The following HERC6 variants were observed in gnomAD, a reference collection of about 807,000 sequenced individuals.
HERC6 encodes HECT and RLD domain containing E3 ubiquitin protein ligase family member 6, also known as probable E3 ubiquitin-protein ligase HERC6.
A neutral mutation model predicts 114.5 loss-of-function variants in HERC6; 101 were observed. The observed-to-expected ratio is 0.88, with a 90% confidence interval of 0.75 to 1.04. The LOEUF is 1.04. Among genes scored for constraint, HERC6 ranks in the 50% least tolerant of loss-of-function variants. The pLI is 0.00. For missense variants in HERC6, 1,133 were observed against 1,230.9 expected, an observed-to-expected ratio of 0.92 and a Z score of 1.19; for synonymous variants, 408 against 436.2, an observed-to-expected ratio of 0.94 and a Z score of 0.81.
At chr4:88,381,874 A>G (rs1465799690) in intron 1 of HERC6, among the ~76,000 whole-genome samples, 6 of 152,068 alleles carry the variant, frequency 3.9e-5, no homozygotes, top group African/African-American at 1.4e-4. Context: ...TCTTGGTGCC[A>G]GAGATGGGAG....
intron 15 of HERC6, 60 bp downstream of exon 15, chr4:88,424,762 G>A: frequency 1.1e-6 from 1 of 949,780 alleles, no homozygotes; most frequent in Non-Finnish European, 1.6e-6. Context: ...TAGAGATAGT[G>A]GTATAATGAA....
intron 1 of HERC6, 111 bp downstream of exon 1, chr4:88,379,231 G>C (rs1734033673): frequency 1.1e-6 from 1 of 878,558 alleles, no homozygotes; most frequent in Non-Finnish European, 1.7e-6. Flanking sequence ...CGGGTGAGGG[G>C]CGCGGGGGCC....
At position 88,417,540 on chromosome 4, in the gene HERC6, T is replaced by A. The variant is rs1736605718; in HGVS notation, c.1674T>A (p.Asn558Lys). The A allele has an allele frequency of 1.2e-6, 2 of 1,613,018 alleles. No individual in the cohort carries two copies. The highest frequency in any genetic ancestry group is 1.3e-5 in the African/African-American group (1 of 74,908). Reference protein sequence around the residue: ...HQTKTEQDHCNVKALLGMMKE... With the variant: ...HQTKTEQDHCKVKALLGMMKE... Reference sequence around the variant, plus strand: ...CTAAAACCGAACAGGATCACTGTAATGTTAAAGCTCTTTTAGGAATGATGA... The same window carrying A: ...CTAAAACCGAACAGGATCACTGTAAAGTTAAAGCTCTTTTAGGAATGATGA... The change falls in exon 13 of 23, where the codon AAT becomes AAA. Residue 558 changes from asparagine (N) to lysine (K), a missense_variant. By Grantham distance (94) the Asn-to-Lys change is moderately conservative. Around this residue, in one of 3 missense-constraint regions of HERC6, gnomAD observed 735 missense variants for 754.0 expected, o/e 0.97. Coordinates refer to ENST00000264346, the MANE Select transcript of HERC6 (RefSeq NM_017912.4).
At chr4:88,438,028 G>A (rs1167073146) in intron 20 of HERC6, among the ~76,000 whole-genome samples, 1 of 150,574 alleles carries the variant, frequency 6.6e-6, no homozygotes, top group Admixed American at 6.6e-5. Context: ...AGCTACTAAG[G>A]AGGCTGAGGA....
chr4:88,380,522 C>T (rs10015822), intron 1 of HERC6, among the ~76,000 whole-genome samples: 87,795 of 138,056 alleles, frequency 0.64, 28,825 homozygotes, highest in African/African-American at 0.81. Flanking sequence ...ATCGAGACCA[C>T]CCTGGCCAAT....
At chr4:88,441,791 T>C (rs1739380168) in intron 22 of HERC6, among the ~76,000 whole-genome samples, 1 of 152,234 alleles carries the variant, frequency 6.6e-6, no homozygotes, top group South Asian at 2.1e-4. Flanking sequence ...GTGGTTCAGC[T>C]GTCTGTACAC....
intron 8 of HERC6, among the ~76,000 whole-genome samples, chr4:88,401,814 G>C (rs1735560111): frequency 1.3e-5 from 2 of 152,158 alleles, no homozygotes; most frequent in African/African-American, 4.8e-5. Flanking sequence ...AGGTAGCCTT[G>C]GAATCCATTA....
In HERC6 at chr4:88,440,028, A is replaced by G; in HGVS notation, c.2710A>G (p.Thr904Ala). The G allele has an allele frequency of 6.2e-7, 1 of 1,608,944 alleles. No individual in the cohort carries two copies. Among genetic ancestry groups the G allele is most frequent in the Non-Finnish European group, 8.5e-7 (1 of 1,178,632 alleles). Residue 904 changes from threonine (T) to alanine (A), a missense_variant, in exon 21 of 23, where the codon ACT (threonine) becomes GCT (alanine). By Grantham distance (58) the Thr-to-Ala change is moderately conservative (BLOSUM62 0). Transcript: ENST00000264346. ...ACTAATGACAGCAATCATTGGAAAT[A>G]CTGATTATGACTGGAAACAGTTTGA... ...EELMTAIIGN[T>A]DYDWKQFEQN...
intron 7 of HERC6, 160 bp from the exon 8 acceptor site, chr4:88,397,981 AG>A: frequency 3.7e-6 from 2 of 542,598 alleles, no homozygotes; most frequent in Non-Finnish European, 6.5e-6. Flanking sequence ...ATATGATGGG[AG>A]GGAAAAAAAG....
chr4:88,420,432 T>C (rs1275572412), intron 13 of HERC6, among the ~76,000 whole-genome samples: 4 of 152,194 alleles, frequency 2.6e-5, no homozygotes, highest in Admixed American at 2.6e-4. Flanking sequence ...AATGAATCTA[T>C]AGAACAATTG....
At chr4:88,397,693 T>A (rs564485006) in intron 7 of HERC6, among the ~76,000 whole-genome samples, 24 of 151,622 alleles carry the variant, frequency 1.6e-4, no homozygotes, top group African/African-American at 4.8e-4. Flanking sequence ...CTCAAAAAAA[T>A]AAAATAAAAT....
At chr4:88,391,576 A>G (rs1160528387) in intron 4 of HERC6, among the ~76,000 whole-genome samples, 3 of 152,196 alleles carry the variant, frequency 2.0e-5, no homozygotes, top group Admixed American at 6.5e-5. Flanking sequence ...CCCCATACCT[A>G]TTAAATCAGA....
chr4:88,393,359 G>A, intron 4 of HERC6, 129 bp from the exon 5 acceptor site: 2 of 399,932 alleles, frequency 5.0e-6, no homozygotes, highest in South Asian at 1.6e-4. Flanking sequence ...AACTATGTTA[G>A]TGAATTATAA....
chr4:88,418,830 G>A (rs1560555846), intron 13 of HERC6, among the ~76,000 whole-genome samples: 1 of 152,078 alleles, frequency 6.6e-6, no homozygotes, highest in Non-Finnish European at 1.5e-5. Flanking sequence ...GGGTTCAAGT[G>A]ATTCACCTGC....
At chr4:88,380,652 G>A (rs898351105) in intron 1 of HERC6, among the ~76,000 whole-genome samples, 1 of 149,412 alleles carries the variant, frequency 6.7e-6, no homozygotes, top group Non-Finnish European at 1.5e-5. Context: ...GGGAGGCAGA[G>A]GTTGCAGTGA....
At chr4:88,382,103 C>T (rs1734355833) in intron 1 of HERC6, among the ~76,000 whole-genome samples, 1 of 152,088 alleles carries the variant, frequency 6.6e-6, no homozygotes, top group Admixed American at 6.6e-5. Flanking sequence ...TTTGTGAGTG[C>T]ATGAATCTTT....
At chr4:88,410,942 A>G (rs992190609) in intron 11 of HERC6, among the ~76,000 whole-genome samples, 10 of 152,096 alleles carry the variant, frequency 6.6e-5, no homozygotes, top group African/African-American at 1.7e-4. Context: ...TAGCTCCTCA[A>G]TGGGGGATGT....
At chr4:88,414,562 C>A (rs746795492) in intron 12 of HERC6, among the ~76,000 whole-genome samples, 15 of 152,152 alleles carry the variant, frequency 9.9e-5, no homozygotes, top group Non-Finnish European at 1.8e-4. Flanking sequence ...GGCAGAGCAG[C>A]TCCTTGGGGC....
chr4:88,440,426 A>C, intron 22 of HERC6, 176 bp downstream of exon 22: 1 of 549,748 alleles, frequency 1.8e-6, no homozygotes, highest in South Asian at 2.7e-5. Context: ...GGTATAGAGC[A>C]GAAACTTAAT....
Sources: allele counts gnomAD v4.1 joint callset (sites outside exome capture counted in the v4.1 genomes callset), GRCh38; gene constraint gnomAD v4.1.1; regional missense constraint gnomAD v4.1.1; transcripts MANE v1.5; gene names NCBI Gene and HGNC (gene_info 2026-07-23, HGNC 2026-07-21).